The following ITGB6 variants were observed in gnomAD, a reference collection of about 807,000 sequenced individuals.
The protein encoded by ITGB6 is integrin subunit beta 6.
ITGB6 carries 80 observed loss-of-function variants against 84.5 expected under a neutral mutation model. That is an observed-to-expected ratio of 0.95 (90% CI 0.79 to 1.14). ITGB6 has a LOEUF of 1.14. Among genes scored for constraint, ITGB6 ranks in the 50% most tolerant of loss-of-function variants. ITGB6 has a pLI of 0.00. For synonymous variants in ITGB6, 383 were observed against 354.9 expected (o/e 1.08, Z -0.89); for missense variants, 1,006 against 968.0 (o/e 1.04, Z -0.52).
At chr2:160,190,039 T>C (rs1574143167) in intron 4 of ITGB6, among the ~76,000 whole-genome samples, 1 of 151,280 alleles carries the variant, frequency 6.6e-6, no homozygotes, top group African/African-American at 2.4e-5. Flanking sequence ...AAATAATGAG[T>C]TCATGTCCTT....
chr2:160,189,203 C>A (rs538556837), intron 4 of ITGB6, among the ~76,000 whole-genome samples: 1 of 152,258 alleles, frequency 6.6e-6, no homozygotes, highest in Admixed American at 6.5e-5. Flanking sequence ...AAAATTAATT[C>A]AAGATGGATT....
rs751786920 is a variant in ITGB6, at chr2:160,142,105, T to C, written c.1018-34A>G. 1.0e-5 allele frequency: 14 copies of C among 1,349,524 alleles called. No homozygotes were observed. In the African/African-American group the frequency reaches 1.9e-4, roughly 18 times the overall value. 83.6% of individuals were successfully genotyped at this position (1,349,524 alleles called of 1,614,324 possible). ...AGAAAAAGAGTAAGTCAATCTTTGTTTCCTCATGGTAATTGAGAAAAGTGT... is the reference window on the plus strand; with the variant it reads ...AGAAAAAGAGTAAGTCAATCTTTGTCTCCTCATGGTAATTGAGAAAAGTGT... On this transcript the variant is annotated intron_variant, in intron 7 of 14. Transcript: ENST00000283249.
chr2:160,161,384 A>G lies in ITGB6; in HGVS notation c.1017+7828T>C, dbSNP rs188953920. ...CGACTCACTGCAACCTCCGCCTCCCAGGTTCAAGAGATTCTCCTGCCTCAG... is the reference window on the plus strand; with the variant it reads ...CGACTCACTGCAACCTCCGCCTCCCGGGTTCAAGAGATTCTCCTGCCTCAG... On this transcript the variant is annotated intron_variant, in intron 7 of 14. Transcript: ENST00000283249. 6.5e-3 allele frequency among the ~76,000 whole-genome samples: 986 copies of G among 152,286 alleles called. 9 individuals carry two copies. Among genetic ancestry groups the G allele is most frequent in the Non-Finnish European group, 0.011 (767 of 68,012 alleles).
At chr2:160,169,814 T>A (rs1685137560) in intron 6 of ITGB6, among the ~76,000 whole-genome samples, 1 of 152,236 alleles carries the variant, frequency 6.6e-6, no homozygotes, top group Non-Finnish European at 1.5e-5. Context: ...CCCGTACTAA[T>A]CCTTGGGTTT....
intron 7 of ITGB6, among the ~76,000 whole-genome samples, chr2:160,151,414 C>T (rs1418367780): frequency 2.0e-5 from 3 of 152,144 alleles, no homozygotes; most frequent in African/African-American, 2.4e-5. Context: ...AAAGACACAA[C>T]ATACCAGAAT....
intron 7 of ITGB6, among the ~76,000 whole-genome samples, chr2:160,164,783 T>C (rs1236999746): frequency 6.6e-6 from 1 of 152,200 alleles, no homozygotes; most frequent in Non-Finnish European, 1.5e-5. Context: ...CCTGTACCTT[T>C]TTCTTTCTTG....
chr2:160,107,654 G>A (rs757251540), intron 14 of ITGB6, 25 bp downstream of exon 14: 2 of 1,610,348 alleles, frequency 1.2e-6, no homozygotes, highest in Admixed American at 1.7e-5. Flanking sequence ...CCCTAGACAA[G>A]GAGTAGCCCT....
chr2:160,175,146 C>T (rs1369808479), intron 4 of ITGB6, among the ~76,000 whole-genome samples: 1 of 152,188 alleles, frequency 6.6e-6, no homozygotes, highest in African/African-American at 2.4e-5. Flanking sequence ...AATATGGGCA[C>T]ATGTGGGGCC....
At chr2:160,120,668 TAAA>T (rs200095827) in intron 12 of ITGB6, among the ~76,000 whole-genome samples, 190 of 16,124 alleles carry the variant, frequency 0.012, 29 homozygotes, top group East Asian at 0.069. Flanking sequence ...AGAGTATAAT[TAAA>T]AAAAAAAAAA....
At position 160,120,573 on chromosome 2, in the gene ITGB6, C is replaced by T. The variant is rs1400285837; in HGVS notation, c.1981+3218G>A. Among the ~76,000 whole-genome samples, 3 of 57,436 alleles carry T rather than the reference C, an allele frequency of 5.2e-5. 1 individual carries two copies. In the East Asian group the frequency reaches 1.0e-3, roughly 19 times the overall value. The allele number at this position is 57,436 out of a possible 152,430, so 37.7% of individuals were successfully genotyped here. On this transcript the variant is annotated intron_variant, in intron 12 of 14. Transcript: ENST00000283249. ...GGGAGATATACCTAATGCTAGATGA[C>T]ACGTTAGTGGGTGCAGCGCACCAGC...
At chr2:160,123,700 T>C in intron 12 of ITGB6, 91 bp downstream of exon 12, 1 of 906,966 alleles carries the variant, frequency 1.1e-6, no homozygotes, top group Non-Finnish European at 1.8e-6. Flanking sequence ...AAGGTCAAGC[T>C]ACTAAATAGC....
chr2:160,187,822 T>C (rs539403801), intron 4 of ITGB6, among the ~76,000 whole-genome samples: 6 of 152,206 alleles, frequency 3.9e-5, no homozygotes, highest in Non-Finnish European at 7.4e-5. Context: ...TCTGTTTTAC[T>C]TTCTAGTATG....
At chr2:160,172,064 G>A (rs1030694685) in intron 6 of ITGB6, among the ~76,000 whole-genome samples, 6 of 152,184 alleles carry the variant, frequency 3.9e-5, no homozygotes, top group Non-Finnish European at 7.4e-5. Flanking sequence ...GGTTTTACAA[G>A]AGTTAGCTGT....
At chr2:160,164,394 T>C (rs1684926092) in intron 7 of ITGB6, among the ~76,000 whole-genome samples, 1 of 152,262 alleles carries the variant, frequency 6.6e-6, no homozygotes, top group South Asian at 2.1e-4. Context: ...TCTCGCATTA[T>C]TGAAATCCCA....
intron 4 of ITGB6, 148 bp from the exon 5 acceptor site, chr2:160,174,287 A>T: frequency 1.6e-6 from 1 of 628,060 alleles, no homozygotes; most frequent in South Asian, 2.0e-5. Context: ...TCTCACTGTT[A>T]AGGTTGTTGA....
Position 160,120,668 on chromosome 2 carries a change from TAAAAAAAAA to T in ITGB6, c.1981+3114_1981+3122del, listed in dbSNP as rs200095827. Among the ~76,000 whole-genome samples, 10 of 16,118 alleles carry T rather than the reference TAAAAAAAAA, an allele frequency of 6.2e-4. 3 individuals carry two copies. Among genetic ancestry groups the T allele is most frequent in the African/African-American group, 3.1e-3 (10 of 3,220 alleles). 10.6% of individuals were successfully genotyped at this position (16,118 alleles called of 152,430 possible). A position where few individuals can be genotyped will look rare whatever the true frequency, so the allele number is the denominator to read the frequency against. Reference sequence around the variant, plus strand: ...TGTACCCTAAAACTTAGAGTATAATTAAAAAAAAAAAAAAAAAAAAAAGAAAATGTGGCA... The same window carrying T: ...TGTACCCTAAAACTTAGAGTATAATTAAAAAAAAAAAAAGAAAATGTGGCA... On this transcript the variant is annotated intron_variant, in intron 12 of 14. Transcript: ENST00000283249.
At position 160,169,096 on chromosome 2, in the gene ITGB6, GGT is replaced by G. The variant is rs1314746278; in HGVS notation, c.1017+114_1017+115del. 3 of 630,002 alleles carry G rather than the reference GGT, an allele frequency of 4.8e-6. No homozygotes were observed. The East Asian group carries it at 7.9e-5, about 17-fold the overall frequency. The allele number at this position is 630,002 out of a possible 1,614,324, so 39.0% of individuals were successfully genotyped here. On this transcript the variant is annotated intron_variant, in intron 7 of 14. Coordinates refer to ENST00000283249, the MANE Select transcript of ITGB6 (RefSeq NM_000888.5). ...ACTTAGCCAAGCGCCCAGTACATTT[GGT>G]GTGTGTTAATGATTATCTAATGGCC...
intron 7 of ITGB6, among the ~76,000 whole-genome samples, chr2:160,163,980 A>G (rs1200652013): frequency 6.6e-6 from 1 of 152,182 alleles, no homozygotes; most frequent in African/African-American, 2.4e-5. Context: ...GTCCAACACC[A>G]TGATATTGTT....
chr2:160,161,360 G>A (rs1008681261), intron 7 of ITGB6, among the ~76,000 whole-genome samples: 2 of 152,030 alleles, frequency 1.3e-5, no homozygotes, highest in African/African-American at 4.8e-5. Context: ...GCATGACGTC[G>A]ACTCACTGCA....
Sources: gnomAD v4.1 joint callset for allele counts (sites outside exome capture counted in the v4.1 genomes callset) on GRCh38, gnomAD v4.1.1 for gene constraint, MANE v1.5 for transcripts, NCBI Gene and HGNC (gene_info 2026-07-23, HGNC 2026-07-21) for gene names.